POFUT3: variants seen among roughly 807,000 people sequenced by gnomAD.
POFUT3 encodes GDP-fucose protein O-fucosyltransferase 3.
At chr8:33,348,567 ACCTGGTAATTAC>A in the POFUT3 span, among the ~76,000 whole-genome samples, 1 of 152,216 alleles carries the variant, frequency 6.6e-6, no homozygotes, top group East Asian at 1.9e-4. Context: ...TTGGTGTATA[ACCTGGTAATTAC>A]ACAGGAGAAA....
the POFUT3 span, among the ~76,000 whole-genome samples, chr8:33,362,149 T>G: frequency 6.6e-6 from 1 of 152,154 alleles, no homozygotes; most frequent in Non-Finnish European, 1.5e-5. Context: ...CAACCCAGAA[T>G]TTCATATCCA....
chr8:33,379,864 T>TAA, the POFUT3 span, among the ~76,000 whole-genome samples: 199 of 123,930 alleles, frequency 1.6e-3, 2 homozygotes, highest in African/African-American at 6.4e-3. Context: ...TATATATATA[T>TAA]AATATATATA....
the POFUT3 span, among the ~76,000 whole-genome samples, chr8:33,365,690 T>C: frequency 1.7e-4 from 26 of 152,056 alleles, no homozygotes; most frequent in South Asian, 2.1e-4. Flanking sequence ...GAAATGCAAA[T>C]CAAAACCACA....
chr8:33,462,884 C>T, the POFUT3 span, among the ~76,000 whole-genome samples: 2 of 151,652 alleles, frequency 1.3e-5, no homozygotes, highest in Non-Finnish European at 2.9e-5. Flanking sequence ...TAAGCCGTGA[C>T]TGCACCACTG....
the POFUT3 span, among the ~76,000 whole-genome samples, chr8:33,330,047 C>G: frequency 1.3e-5 from 2 of 152,076 alleles, no homozygotes; most frequent in African/African-American, 4.8e-5. Context: ...GTGGACAATG[C>G]TTTAGTAAGG....
chr8:33,357,315 TGA>T, the POFUT3 span, among the ~76,000 whole-genome samples: 1 of 152,142 alleles, frequency 6.6e-6, no homozygotes, highest in African/African-American at 2.4e-5. Flanking sequence ...TATTTTAATA[TGA>T]GTGTCTATCT....
the POFUT3 span, among the ~76,000 whole-genome samples, chr8:33,430,760 C>T: frequency 6.6e-6 from 1 of 152,138 alleles, no homozygotes; most frequent in Non-Finnish European, 1.5e-5. Flanking sequence ...AGGCATGCGC[C>T]ACCATGCTCA....
the POFUT3 span, among the ~76,000 whole-genome samples, chr8:33,317,055 G>A: frequency 6.6e-6 from 1 of 151,952 alleles, no homozygotes; most frequent in Non-Finnish European, 1.5e-5. Flanking sequence ...TGAAAATAAA[G>A]GAAAATCTTG....
the POFUT3 span, among the ~76,000 whole-genome samples, chr8:33,383,363 C>A: frequency 6.6e-6 from 1 of 152,194 alleles, no homozygotes; most frequent in Non-Finnish European, 1.5e-5. Flanking sequence ...AGCCCCATTG[C>A]TGGTGGTAAA....
the POFUT3 span, among the ~76,000 whole-genome samples, chr8:33,403,271 C>T: frequency 1.1e-4 from 16 of 147,542 alleles, no homozygotes; most frequent in East Asian, 5.9e-4. Flanking sequence ...ATGGTGTGTG[C>T]GTGTGTGTGT....
the POFUT3 span, among the ~76,000 whole-genome samples, chr8:33,385,699 T>A: frequency 2.0e-5 from 3 of 151,922 alleles, no homozygotes; most frequent in Non-Finnish European, 4.4e-5. Flanking sequence ...CTGGCCAACA[T>A]GGTGAAACCC....
chr8:33,310,868 AC>A, the POFUT3 span, among the ~76,000 whole-genome samples: 1 of 152,174 alleles, frequency 6.6e-6, no homozygotes. Context: ...CTCAGCCCAA[AC>A]CCAATTCACT....
chr8:33,332,522 A>C, the POFUT3 span, among the ~76,000 whole-genome samples: 1 of 146,962 alleles, frequency 6.8e-6, no homozygotes, highest in African/African-American at 2.5e-5. Context: ...AAGAAGAAAG[A>C]AAGCGAGGGA....
At chr8:33,312,036 C>T in the POFUT3 span, among the ~76,000 whole-genome samples, 1 of 152,028 alleles carries the variant, frequency 6.6e-6, no homozygotes, top group African/African-American at 2.4e-5. Context: ...CCAAAGCGGG[C>T]AGATCACTTG....
the POFUT3 span, among the ~76,000 whole-genome samples, chr8:33,435,456 T>C: frequency 6.6e-6 from 1 of 151,470 alleles, no homozygotes; most frequent in Admixed American, 6.6e-5. Flanking sequence ...GACTTTATGA[T>C]CTGCCCACCT....
the POFUT3 span, chr8:33,372,299 C>T: frequency 8.6e-7 from 1 of 1,158,398 alleles, no homozygotes. Context: ...AGGTGAATTT[C>T]CACAAAAGGC....
At chr8:33,400,808 C>A in the POFUT3 span, among the ~76,000 whole-genome samples, 1 of 152,072 alleles carries the variant, frequency 6.6e-6, no homozygotes, top group Non-Finnish European at 1.5e-5. Flanking sequence ...AACATTAAGA[C>A]CGTAAGCAAC....
chr8:33,450,216 C>T, the POFUT3 span, among the ~76,000 whole-genome samples: 2 of 152,198 alleles, frequency 1.3e-5, no homozygotes, highest in Non-Finnish European at 2.9e-5. Context: ...GCTGGGATTA[C>T]AGGCATGAGC....
At chr8:33,368,752 A>C in the POFUT3 span, among the ~76,000 whole-genome samples, 1 of 152,236 alleles carries the variant, frequency 6.6e-6, no homozygotes, top group South Asian at 2.1e-4. Context: ...GATCCAGCTT[A>C]TACAATCAAT....
Sources: gnomAD v4.1 joint callset for allele counts (sites outside exome capture counted in the v4.1 genomes callset) on GRCh38, gnomAD v4.1.1 for gene constraint, MANE v1.5 for transcripts, NCBI Gene and HGNC (gene_info 2026-07-23, HGNC 2026-07-21) for gene names.